The following TMEM266 variants were observed in gnomAD, a reference collection of about 807,000 sequenced individuals.
TMEM266 encodes the protein transmembrane protein 266.
A neutral mutation model predicts 50.5 loss-of-function variants in TMEM266; 33 were observed. That is an observed-to-expected ratio of 0.65 (90% confidence interval 0.50 to 0.87). The LOEUF is 0.87. TMEM266 is among the 40% of genes least tolerant of loss of function. The probability of loss-of-function intolerance (pLI) is 0.00; values close to 1 mark genes in which losing one functional copy is unlikely to be tolerated. For missense variants in TMEM266, 655 were observed against 695.1 expected, an observed-to-expected ratio of 0.94 and a Z score of 0.65; for synonymous variants, 310 against 292.3, an observed-to-expected ratio of 1.06 and a Z score of -0.62.
chr15:76,118,868 T>C (rs1430897275), intron 1 of TMEM266, among the ~76,000 whole-genome samples: 1 of 152,234 alleles, frequency 6.6e-6, no homozygotes, highest in Non-Finnish European at 1.5e-5. Context: ...GAGCCTTCCA[T>C]GAAGACATGG....
intron 1 of TMEM266, among the ~76,000 whole-genome samples, chr15:76,102,764 G>A (rs960304350): frequency 1.1e-4 from 16 of 151,298 alleles, no homozygotes; most frequent in African/African-American, 2.4e-4. Context: ...ACTTGAACCC[G>A]GGAGGCGGAG....
chr15:76,147,854 CCT>C (rs2142040082), intron 3 of TMEM266, among the ~76,000 whole-genome samples: 1 of 152,278 alleles, frequency 6.6e-6, no homozygotes, highest in East Asian at 1.9e-4. Flanking sequence ...TGTGAGAACC[CCT>C]CTCTACAAAA....
intron 1 of TMEM266, among the ~76,000 whole-genome samples, chr15:76,087,143 A>T (rs911657162): frequency 1.3e-5 from 2 of 152,136 alleles, no homozygotes; most frequent in African/African-American, 2.4e-5. Flanking sequence ...TGTGTATTGT[A>T]TATAAATTGT....
At chr15:76,123,613 C>T (rs550645766) in intron 1 of TMEM266, among the ~76,000 whole-genome samples, 34 of 152,322 alleles carry the variant, frequency 2.2e-4, no homozygotes, top group African/African-American at 8.2e-4. Flanking sequence ...GTCTAGCATA[C>T]AATTAGTTAC....
At chr15:76,081,564 T>C (rs1349397373) in intron 1 of TMEM266, among the ~76,000 whole-genome samples, 1 of 152,206 alleles carries the variant, frequency 6.6e-6, no homozygotes, top group Non-Finnish European at 1.5e-5. Flanking sequence ...TTGCCCTGGC[T>C]CCTCGCGGTT....
At chr15:76,174,791 G>A (rs766285886) in intron 7 of TMEM266, 1 of 152,184 alleles carries the variant, frequency 6.6e-6, no homozygotes, top group African/African-American at 2.4e-5. Flanking sequence ...TTTCTCTGCT[G>A]GCCACTCTGA....
chr15:76,203,788 A>G lies in TMEM266; in HGVS notation c.1069A>G (p.Ile357Val), dbSNP rs532604457. The change falls in exon 11 of 11, where the codon ATA (isoleucine) becomes GTA (valine). Residue 357 changes from isoleucine to valine, a missense_variant. By Grantham distance (29) the Ile-to-Val change is conservative. Coordinates refer to ENST00000388942, the MANE Select transcript of TMEM266 (RefSeq NM_152335.3). Reference sequence around the variant, plus strand: ...TGTGTGTATGGTCACCACGGCCGCAATAGACATTCACCAGCCCAACATCTC... The same window carrying G: ...TGTGTGTATGGTCACCACGGCCGCAGTAGACATTCACCAGCCCAACATCTC... The G allele has an allele frequency of 5.6e-6, 9 of 1,614,172 alleles. No homozygotes were observed. Among genetic ancestry groups the G allele is most frequent in the Middle Eastern group, 1.6e-4 (1 of 6,062 alleles).
intron 1 of TMEM266, among the ~76,000 whole-genome samples, chr15:76,104,999 C>G (rs1356733457): frequency 6.6e-6 from 1 of 152,140 alleles, no homozygotes; most frequent in Non-Finnish European, 1.5e-5. Flanking sequence ...GCGGGTGGAT[C>G]ACGAGGTCAG....
In TMEM266 at chr15:76,082,659, G is replaced by A. The variant is rs146813889; in HGVS notation, c.-97+22643G>A. Among the ~76,000 whole-genome samples, 108 of 152,234 alleles carry A rather than the reference G, an allele frequency of 7.1e-4. 2 individuals are homozygous for A. The highest frequency in any genetic ancestry group is 1.2e-3 in the Non-Finnish European group (81 of 68,008). On this transcript the variant is annotated intron_variant, in intron 1 of 10. Transcript: ENST00000388942. ...TGGTGAAAGAAGGAGCAAGAGAGCCGCCAGGCTCTTTAAACAACCAGCTGT... is the reference window on the plus strand; with the variant it reads ...TGGTGAAAGAAGGAGCAAGAGAGCCACCAGGCTCTTTAAACAACCAGCTGT...
chr15:76,167,530 GTCTC>G (rs976156954), intron 5 of TMEM266, among the ~76,000 whole-genome samples: 3 of 151,680 alleles, frequency 2.0e-5, no homozygotes, highest in Non-Finnish European at 4.4e-5. Flanking sequence ...TGGAGACAGG[GTCTC>G]TCTGTCACCC....
At chr15:76,085,515 C>G (rs1267892307) in intron 1 of TMEM266, among the ~76,000 whole-genome samples, 1 of 152,174 alleles carries the variant, frequency 6.6e-6, no homozygotes, top group Non-Finnish European at 1.5e-5. Flanking sequence ...CTGCCTCAGC[C>G]TCCCAAAGTG....
chr15:76,192,219 C>G, intron 9 of TMEM266, 62 bp downstream of exon 9: 1 of 1,370,166 alleles, frequency 7.3e-7, no homozygotes, highest in Middle Eastern at 2.7e-4. Context: ...TCGCCTCCCT[C>G]TCGCGCCCCG....
chr15:76,172,806 T>C (rs1314602037), intron 7 of TMEM266, among the ~76,000 whole-genome samples: 1 of 152,188 alleles, frequency 6.6e-6, no homozygotes, highest in African/African-American at 2.4e-5. Flanking sequence ...TTTCGGCTGC[T>C]CACTCCCTGC....
At chr15:76,133,709 GAGA>G (rs966546258) in intron 1 of TMEM266, among the ~76,000 whole-genome samples, 13 of 152,176 alleles carry the variant, frequency 8.5e-5, no homozygotes, top group Admixed American at 2.0e-4. Context: ...GAGCTGAGAG[GAGA>G]AGAAGAGAAA....
intron 5 of TMEM266, among the ~76,000 whole-genome samples, chr15:76,164,879 C>T (rs1300410867): frequency 6.6e-6 from 1 of 152,250 alleles, no homozygotes; most frequent in Non-Finnish European, 1.5e-5. Flanking sequence ...CTGCAGGGCA[C>T]AGGGGTGTCC....
intron 6 of TMEM266, 144 bp downstream of exon 6, chr15:76,170,016 T>G: frequency 2.3e-5 from 17 of 730,606 alleles, no homozygotes; most frequent in East Asian, 5.4e-5. Context: ...GCATGTTGGG[T>G]GGGGCAGGGA....
intron 6 of TMEM266, 105 bp downstream of exon 6, chr15:76,169,977 T>C: frequency 8.2e-7 from 1 of 1,212,220 alleles, no homozygotes. Flanking sequence ...GAAGGCTGGT[T>C]CCTTCTCCCA....
At chr15:76,105,535 G>A (rs762084936) in intron 1 of TMEM266, among the ~76,000 whole-genome samples, 1 of 152,238 alleles carries the variant, frequency 6.6e-6, no homozygotes, top group Non-Finnish European at 1.5e-5. Flanking sequence ...TGGGACACAT[G>A]GTCTCTGTTG....
chr15:76,067,650 GAAAA>G (rs2036453102), intron 1 of TMEM266, among the ~76,000 whole-genome samples: 1 of 8,932 alleles, frequency 1.1e-4, no homozygotes, highest in Non-Finnish European at 2.9e-4. Flanking sequence ...AAAAAAAAAA[GAAAA>G]GAAAAGAAAA....
Sources: allele counts gnomAD v4.1 joint callset (sites outside exome capture counted in the v4.1 genomes callset), GRCh38; gene constraint gnomAD v4.1.1; transcripts MANE v1.5; gene names NCBI Gene and HGNC (gene_info 2026-07-23, HGNC 2026-07-21).